The following SORCS3 variants were observed in gnomAD, a reference collection of about 807,000 sequenced individuals.
SORCS3 encodes VPS10 domain-containing receptor SorCS3.
A neutral mutation model predicts 146.3 loss-of-function variants in SORCS3; 57 were observed. The ratio of observed to expected loss-of-function variants is 0.39; its 90% CI spans 0.31 to 0.49. The LOEUF (loss-of-function observed/expected upper bound fraction) is 0.49. Ranked by LOEUF, SORCS3 falls within the 20% of genes least tolerant of loss-of-function variation. SORCS3 has a pLI of 0.92. For synonymous variants in SORCS3, 653 were observed against 618.5 expected, an observed-to-expected ratio of 1.06 and a Z score of -0.83; for missense variants, 1,341 against 1,575.5, an observed-to-expected ratio of 0.85 and a Z score of 2.52.
At chr10:104,736,478 T>A (rs776265497) in intron 1 of SORCS3, among the ~76,000 whole-genome samples, 1 of 152,208 alleles carries the variant, frequency 6.6e-6, no homozygotes, top group Non-Finnish European at 1.5e-5. Context: ...GGTTTTTGAC[T>A]GTAAGTGACA....
intron 1 of SORCS3, among the ~76,000 whole-genome samples, chr10:104,818,560 A>G (rs2017834618): frequency 6.6e-6 from 1 of 152,040 alleles, no homozygotes. Context: ...CCAGTCCTGC[A>G]TTAGTCCTTT....
intron 1 of SORCS3, among the ~76,000 whole-genome samples, chr10:104,720,445 A>G (rs1281128497): frequency 6.6e-6 from 1 of 152,228 alleles, no homozygotes; most frequent in African/African-American, 2.4e-5. Context: ...ATAAGTGTGC[A>G]TGTGTCTTTA....
At chr10:105,229,364 G>T (rs2056754099) in intron 20 of SORCS3, among the ~76,000 whole-genome samples, 1 of 151,880 alleles carries the variant, frequency 6.6e-6, no homozygotes, top group African/African-American at 2.4e-5. Flanking sequence ...TTGTTTGATT[G>T]GGATCTGTTA....
At position 105,089,828 on chromosome 10, in the gene SORCS3, C is replaced by G; in HGVS notation, c.1082C>G (p.Thr361Ser). 1 of 1,613,868 alleles carries G rather than the reference C, an allele frequency of 6.2e-7. No individual in the cohort carries two copies. The highest frequency in any genetic ancestry group is 2.2e-5 in the East Asian group (1 of 44,856). The change falls in exon 6 of 27, where the codon ACC becomes AGC. Residue 361 changes from threonine to serine, a missense_variant. Coordinates refer to ENST00000369701, the MANE Select transcript of SORCS3 (RefSeq NM_014978.3). ...EADLVHMEVRTTDGYAHYLTC... is the reference protein window; with the variant it reads ...EADLVHMEVRSTDGYAHYLTC... The stretch of plus-strand genomic sequence containing the variant: ...GACCTGGTGCACATGGAGGTGCGGA[C>G]CACGGATGGATGTGAGTTCTGCTAC...
At position 105,201,175 on chromosome 10, in the gene SORCS3, C is replaced by T. The variant is rs763115719; in HGVS notation, c.2183C>T (p.Ala728Val). 15 of 1,612,886 alleles carry T rather than the reference C, an allele frequency of 9.3e-6. No individual in the cohort carries two copies. The highest frequency in any genetic ancestry group is 2.2e-5 in the South Asian group (2 of 90,722). The change falls in exon 16 of 27, where the codon GCT (alanine) becomes GTT (valine). Residue 728 changes from alanine to valine, a missense_variant. Transcript: ENST00000369701. ...RKIFKKRKPGAQCALGRDHSG... is the reference protein window; with the variant it reads ...RKIFKKRKPGVQCALGRDHSG... ...ATATTCAAGAAACGTAAGCCAGGAGCTCAGTGTGCCCTGGGCCGAGACCAC... is the reference window on the plus strand; with the variant it reads ...ATATTCAAGAAACGTAAGCCAGGAGTTCAGTGTGCCCTGGGCCGAGACCAC...
At chr10:105,016,107 T>A (rs1391993162) in intron 4 of SORCS3, among the ~76,000 whole-genome samples, 1 of 146,272 alleles carries the variant, frequency 6.8e-6, no homozygotes, top group Non-Finnish European at 1.5e-5. Flanking sequence ...ATTTATGTTA[T>A]GTATTACATA....
intron 1 of SORCS3, among the ~76,000 whole-genome samples, chr10:104,783,987 T>C (rs929367629): frequency 2.0e-5 from 3 of 152,382 alleles, no homozygotes; most frequent in South Asian, 4.1e-4. Flanking sequence ...ATACTGTGTA[T>C]TATGTTTTCC....
At chr10:104,935,415 C>T (rs1018756539) in intron 3 of SORCS3, among the ~76,000 whole-genome samples, 3 of 152,188 alleles carry the variant, frequency 2.0e-5, no homozygotes, top group African/African-American at 4.8e-5. Flanking sequence ...GCTCAGGCCT[C>T]AGCCAAGGAG....
At chr10:104,833,868 C>A (rs2018036054) in intron 1 of SORCS3, among the ~76,000 whole-genome samples, 1 of 152,178 alleles carries the variant, frequency 6.6e-6, no homozygotes, top group Non-Finnish European at 1.5e-5. Context: ...GTCTCTTAGG[C>A]ATTTCGAAAT....
intron 1 of SORCS3, among the ~76,000 whole-genome samples, chr10:104,717,166 T>C (rs1293131821): frequency 4.6e-5 from 7 of 152,024 alleles, no homozygotes; most frequent in African/African-American, 1.7e-4. Context: ...ACACTTGTAA[T>C]CCCAGTTTCT....
intron 1 of SORCS3, among the ~76,000 whole-genome samples, chr10:104,811,767 C>A (rs744823): frequency 3.3e-5 from 5 of 151,838 alleles, no homozygotes; most frequent in Non-Finnish European, 5.9e-5. Context: ...AGCCAGATAG[C>A]AGACAGCCTT....
intron 1 of SORCS3, among the ~76,000 whole-genome samples, chr10:104,791,329 G>C (rs1244865337): frequency 2.6e-5 from 4 of 152,212 alleles, no homozygotes; most frequent in Non-Finnish European, 5.9e-5. Flanking sequence ...GCTTAAGTCA[G>C]TCCTTTGTTG....
At chr10:105,250,155 G>A (rs1396948149) in intron 22 of SORCS3, among the ~76,000 whole-genome samples, 1 of 151,954 alleles carries the variant, frequency 6.6e-6, no homozygotes, top group African/African-American at 2.4e-5. Context: ...TGGCTCTCTG[G>A]GGTCTCTTTT....
chr10:104,921,770 T>C (rs1226867411), intron 3 of SORCS3, among the ~76,000 whole-genome samples: 1 of 152,110 alleles, frequency 6.6e-6, no homozygotes, highest in Admixed American at 6.6e-5. Context: ...AGGATTCCTG[T>C]TCACCTCTAT....
chr10:105,160,562 G>A (rs147775876), intron 11 of SORCS3, among the ~76,000 whole-genome samples: 1 of 152,260 alleles, frequency 6.6e-6, no homozygotes, highest in East Asian at 1.9e-4. Flanking sequence ...AGGAGGCAGA[G>A]GTTGCAGTGA....
chr10:105,056,871 T>C (rs1262713831), intron 5 of SORCS3, among the ~76,000 whole-genome samples: 2 of 152,244 alleles, frequency 1.3e-5, no homozygotes, highest in African/African-American at 2.4e-5. Flanking sequence ...CTCTTTTAAG[T>C]TTTGTACACA....
chr10:104,727,922 T>A (rs2016658112), intron 1 of SORCS3, among the ~76,000 whole-genome samples: 1 of 152,006 alleles, frequency 6.6e-6, no homozygotes, highest in African/African-American at 2.4e-5. Flanking sequence ...CCTGAAACCA[T>A]CCCCCACCCC....
chr10:104,823,146 G>A (rs1375152386), intron 1 of SORCS3, among the ~76,000 whole-genome samples: 3 of 152,140 alleles, frequency 2.0e-5, no homozygotes, highest in African/African-American at 7.2e-5. Flanking sequence ...AGGGCCAATA[G>A]GCAGATGAGT....
intron 1 of SORCS3, among the ~76,000 whole-genome samples, chr10:104,809,659 C>T (rs1421385123): frequency 6.6e-6 from 1 of 152,190 alleles, no homozygotes; most frequent in Admixed American, 6.5e-5. Flanking sequence ...TTGGCCACAC[C>T]TGTTCTCCAA....
Sources: gnomAD v4.1 joint callset for allele counts (sites outside exome capture counted in the v4.1 genomes callset) on GRCh38, gnomAD v4.1.1 for gene constraint, MANE v1.5 for transcripts, NCBI Gene and HGNC (gene_info 2026-07-23, HGNC 2026-07-21) for gene names.